Variants in DCC observed in about 807,000 individuals in gnomAD.
DCC encodes the protein DCC netrin 1 receptor, also known as netrin receptor DCC.
A neutral mutation model predicts 172.5 loss-of-function variants in DCC; 58 were observed. The ratio of observed to expected loss-of-function variants is 0.34; its 90% CI spans 0.27 to 0.42. DCC has a LOEUF of 0.42. Among genes scored for constraint, DCC ranks in the 10% least tolerant of loss-of-function variants. The pLI is 1.00. For missense variants in DCC, 1,740 were observed against 1,791.0 expected (o/e 0.97, Z 0.51); for synonymous variants, 709 against 644.5 (o/e 1.10, Z -1.52).
intron 1 of DCC, among the ~76,000 whole-genome samples, chr18:52,426,644 A>G (rs1464880869): frequency 1.4e-5 from 2 of 144,780 alleles, no homozygotes; most frequent in African/African-American, 4.9e-5. Flanking sequence ...GATAGTTCTG[A>G]GAAGAGAATT....
At chr18:52,543,157 TAAG>T (rs967982712) in intron 1 of DCC, among the ~76,000 whole-genome samples, 7 of 152,038 alleles carry the variant, frequency 4.6e-5, no homozygotes, top group Non-Finnish European at 1.0e-4. Flanking sequence ...AAATAGAAAA[TAAG>T]AATGTGAACA....
chr18:53,408,906 A>G (rs1599117497), intron 19 of DCC, among the ~76,000 whole-genome samples: 1 of 152,234 alleles, frequency 6.6e-6, no homozygotes, highest in Non-Finnish European at 1.5e-5. Flanking sequence ...CTACGTAATC[A>G]GAAGGACAAA....
intron 1 of DCC, among the ~76,000 whole-genome samples, chr18:52,648,498 T>G (rs6508147): frequency 0.95 from 144,416 of 152,252 alleles, 68,999 homozygotes; most frequent in East Asian, 1. Flanking sequence ...CATGTAAATA[T>G]CATTCTGTAG....
chr18:52,792,702 G>A (rs554230037), intron 2 of DCC, among the ~76,000 whole-genome samples: 2 of 140,602 alleles, frequency 1.4e-5, no homozygotes, highest in South Asian at 4.6e-4. Context: ...GCAGATGCCT[G>A]TTATTGATTT....
In DCC at chr18:52,933,864, T is replaced by G. The variant is rs115979234; in HGVS notation, c.985+8494T>G. 2.1e-3 allele frequency among the ~76,000 whole-genome samples: 316 copies of G among 152,206 alleles called. 1 individual carries two copies. The highest frequency in any genetic ancestry group is 7.2e-3 in the African/African-American group (300 of 41,560). On this transcript the variant is annotated intron_variant, in intron 5 of 28. Transcript: ENST00000442544. ...TCGCACCTATTAAGTAATTTCTTAT[T>G]CGTTTGTAAAACAATGATAATTACT...
intron 1 of DCC, among the ~76,000 whole-genome samples, chr18:52,667,942 A>G (rs2035483794): frequency 6.6e-6 from 1 of 152,170 alleles, no homozygotes; most frequent in Admixed American, 6.5e-5. Flanking sequence ...TTAAACAAAA[A>G]AGAAAGAAGA....
intron 8 of DCC, among the ~76,000 whole-genome samples, 155 bp from the exon 9 acceptor site, chr18:53,178,807 A>G (rs751222959): frequency 3.9e-5 from 6 of 152,200 alleles, no homozygotes; most frequent in Admixed American, 6.5e-5. Context: ...TTTATTTTCT[A>G]TAGAAAGTCT....
intron 1 of DCC, among the ~76,000 whole-genome samples, chr18:52,442,220 C>A (rs1249309287): frequency 6.6e-6 from 1 of 152,170 alleles, no homozygotes; most frequent in Non-Finnish European, 1.5e-5. Flanking sequence ...TCTCTAATTT[C>A]TCATCTGTCA....
intron 5 of DCC, among the ~76,000 whole-genome samples, chr18:52,999,639 G>A (rs1437296114): frequency 6.6e-6 from 1 of 152,048 alleles, no homozygotes; most frequent in Non-Finnish European, 1.5e-5. Flanking sequence ...CTGCTAAATA[G>A]GAAAATAAGT....
intron 12 of DCC, among the ~76,000 whole-genome samples, chr18:53,281,775 T>TC (rs2056875651): frequency 6.6e-6 from 1 of 151,690 alleles, no homozygotes; most frequent in African/African-American, 2.4e-5. Context: ...TTTTTTTTTT[T>TC]TTTTTTTTGC....
intron 2 of DCC, among the ~76,000 whole-genome samples, chr18:52,863,219 G>A (rs7233174): frequency 0.022 from 3,287 of 151,620 alleles, 97 homozygotes; most frequent in African/African-American, 0.071. Flanking sequence ...ATTTCTTACC[G>A]AAAATACATC....
intron 7 of DCC, among the ~76,000 whole-genome samples, chr18:53,153,103 G>A (rs2054669297): frequency 6.6e-6 from 1 of 152,182 alleles, no homozygotes; most frequent in South Asian, 2.1e-4. Flanking sequence ...GTAGGAGTGA[G>A]ATGCTCTTGG....
rs978700751 is a variant in DCC, at chr18:52,636,291, C to T, written c.92-115763C>T. On this transcript the variant is annotated intron_variant, in intron 1 of 28. Coordinates refer to ENST00000442544, the MANE Select transcript of DCC (RefSeq NM_005215.4). ...AAACTACACGGGGAGAAGCAAATCT[C>T]TAGATGAACTTTGTAAAAATTTGAA... Among the ~76,000 whole-genome samples the T allele has an allele frequency of 3.3e-5, 5 of 152,186 alleles. No individual in the cohort carries two copies. In the East Asian group the frequency reaches 9.7e-4, roughly 30 times the overall value.
chr18:53,060,843 A>ATTTGT (rs1457971369), intron 5 of DCC, among the ~76,000 whole-genome samples: 2 of 152,106 alleles, frequency 1.3e-5, no homozygotes, highest in Non-Finnish European at 2.9e-5. Context: ...AAACTCAATC[A>ATTTGT]TTTGTTTTTT....
At chr18:52,580,982 C>T (rs187951545) in intron 1 of DCC, among the ~76,000 whole-genome samples, 172 of 152,270 alleles carry the variant, frequency 1.1e-3, no homozygotes, top group Middle Eastern at 3.4e-3. Context: ...GTGTTCAGTT[C>T]TGAAGCTGTT....
chr18:53,396,505 A>G (rs918608306), intron 17 of DCC, among the ~76,000 whole-genome samples: 1 of 152,204 alleles, frequency 6.6e-6, no homozygotes, highest in Admixed American at 6.5e-5. Flanking sequence ...TTAAACACCA[A>G]TGTAATCCTT....
intron 26 of DCC, among the ~76,000 whole-genome samples, chr18:53,488,902 T>C (rs1249399953): frequency 6.6e-6 from 1 of 152,120 alleles, no homozygotes; most frequent in East Asian, 1.9e-4. Context: ...CTCATGCCTG[T>C]ATTCCCAGCA....
chr18:53,149,317 G>C (rs2043964921), intron 7 of DCC, among the ~76,000 whole-genome samples: 1 of 152,148 alleles, frequency 6.6e-6, no homozygotes, highest in Admixed American at 6.5e-5. Flanking sequence ...GGTATGGTGA[G>C]CAGCCCTTAG....
At chr18:53,468,954 A>G (rs79566731) in intron 25 of DCC, among the ~76,000 whole-genome samples, 5,073 of 152,248 alleles carry the variant, frequency 0.033, 116 homozygotes, top group Non-Finnish European at 0.047. Context: ...CTGCAAAGAT[A>G]TTGATTCCTT....
Sources: gnomAD v4.1 joint callset for allele counts (sites outside exome capture counted in the v4.1 genomes callset) on GRCh38, gnomAD v4.1.1 for gene constraint, MANE v1.5 for transcripts, NCBI Gene and HGNC (gene_info 2026-07-23, HGNC 2026-07-21) for gene names.